ZNF469: variants seen among roughly 807,000 people sequenced by gnomAD.
ZNF469 encodes zinc finger protein 469.
ZNF469 carries 1 observed loss-of-function variant against 1.0 expected under a neutral mutation model. The observed-to-expected ratio is 1.00, with a 90% CI of 0.35 to 4.73. The LOEUF is 4.73. ZNF469 is among the 30% of genes most tolerant of loss of function. ZNF469 has a pLI of 0.16. For synonymous variants in ZNF469, 2,703 were observed against 2,363.4 expected, an observed-to-expected ratio of 1.14 and a Z score of -4.17; for missense variants, 6,100 against 5,356.3, an observed-to-expected ratio of 1.14 and a Z score of -4.33.
At chr16:88,176,126 T>C in the ZNF469 span, among the ~76,000 whole-genome samples, 1 of 151,784 alleles carries the variant, frequency 6.6e-6, no homozygotes, top group Non-Finnish European at 1.5e-5. Context: ...CCTGATGGCC[T>C]GAGGACGTCT....
chr16:88,341,259 C>T, the ZNF469 span, among the ~76,000 whole-genome samples: 1 of 152,224 alleles, frequency 6.6e-6, no homozygotes, highest in African/African-American at 2.4e-5. Context: ...GCACTGAATG[C>T]TGGGGGCCTG....
the ZNF469 span, among the ~76,000 whole-genome samples, chr16:88,266,408 G>A: frequency 1.8e-4 from 28 of 152,342 alleles, no homozygotes; most frequent in East Asian, 9.6e-4. Flanking sequence ...ACGGCCTGTC[G>A]TGCACACGAA....
chr16:88,136,419 C>A, the ZNF469 span, among the ~76,000 whole-genome samples: 194 of 152,370 alleles, frequency 1.3e-3, 1 homozygote, highest in African/African-American at 3.9e-3. Context: ...CGTGTTGCAG[C>A]CGTCTCCGGC....
the ZNF469 span, among the ~76,000 whole-genome samples, chr16:88,263,339 C>G: frequency 6.6e-6 from 1 of 152,228 alleles, no homozygotes; most frequent in East Asian, 1.9e-4. Context: ...AGGCTGGGCT[C>G]TGCCAGGCTG....
chr16:88,229,905 G>C, the ZNF469 span, among the ~76,000 whole-genome samples: 1 of 152,276 alleles, frequency 6.6e-6, no homozygotes, highest in East Asian at 1.9e-4. Context: ...CCAGGGGCAC[G>C]GGGCCAGTGG....
the ZNF469 span, among the ~76,000 whole-genome samples, chr16:88,115,596 T>C: frequency 6.7e-6 from 1 of 149,704 alleles, no homozygotes; most frequent in Non-Finnish European, 1.5e-5. Context: ...CCCTGTGTGT[T>C]CCTGGACTTC....
the ZNF469 span, among the ~76,000 whole-genome samples, chr16:88,250,556 C>G: frequency 1.9e-3 from 293 of 152,276 alleles, 1 homozygote; most frequent in African/African-American, 6.8e-3. Context: ...CATTTCTTCA[C>G]GTATTTTTCA....
intron 1 of ZNF469, among the ~76,000 whole-genome samples, chr16:88,415,552 C>T (rs1905280636): frequency 6.6e-6 from 1 of 152,248 alleles, no homozygotes; most frequent in Non-Finnish European, 1.5e-5. Flanking sequence ...GCCTGTCACT[C>T]AGGCCCCCTC....
chr16:88,117,753 G>A, the ZNF469 span, among the ~76,000 whole-genome samples: 1 of 152,248 alleles, frequency 6.6e-6, no homozygotes, highest in African/African-American at 2.4e-5. Flanking sequence ...CTGGGACCCA[G>A]TTTCTTGGAG....
the ZNF469 span, among the ~76,000 whole-genome samples, chr16:88,184,029 G>A: frequency 3.9e-5 from 6 of 151,906 alleles, 1 homozygote; most frequent in Middle Eastern, 3.2e-3. Context: ...CAGAGGTGCC[G>A]GAGTCTCCGG....
the ZNF469 span, among the ~76,000 whole-genome samples, chr16:88,319,785 C>T: frequency 1.9e-3 from 290 of 152,304 alleles, 2 homozygotes; most frequent in African/African-American, 6.6e-3. Context: ...AGCCCAGCTT[C>T]GCAGCTAGAG....
the ZNF469 span, among the ~76,000 whole-genome samples, chr16:88,102,035 G>C: frequency 6.6e-6 from 1 of 151,984 alleles, no homozygotes; most frequent in Non-Finnish European, 1.5e-5. Flanking sequence ...CGACAGGCCG[G>C]CCTCAGAAGT....
At chr16:88,404,805 G>A (rs1904981415) in intron 1 of ZNF469, among the ~76,000 whole-genome samples, 1 of 152,154 alleles carries the variant, frequency 6.6e-6, no homozygotes, top group South Asian at 2.1e-4. Flanking sequence ...ACGCACAGCA[G>A]ACCCAGGACA....
the ZNF469 span, among the ~76,000 whole-genome samples, chr16:88,148,464 C>T: frequency 3.1e-4 from 47 of 152,278 alleles, 1 homozygote; most frequent in African/African-American, 1.1e-3. Flanking sequence ...TCTTTAATCA[C>T]GAATCCTAAG....
the ZNF469 span, among the ~76,000 whole-genome samples, chr16:88,218,286 G>T: frequency 0.05 from 5,263 of 105,370 alleles, no homozygotes; most frequent in South Asian, 0.06. Flanking sequence ...TTTTGATGGG[G>T]TTGTTTGTTT....
chr16:88,395,251 A>ATGGG (rs1904623605), intron 1 of ZNF469, among the ~76,000 whole-genome samples: 1 of 39,550 alleles, frequency 2.5e-5, no homozygotes, highest in Admixed American at 2.3e-4. Context: ...GGATGGATGG[A>ATGGG]TGGATGGATG....
chr16:88,376,199 A>G, the ZNF469 span, among the ~76,000 whole-genome samples: 1 of 152,214 alleles, frequency 6.6e-6, no homozygotes, highest in Non-Finnish European at 1.5e-5. Context: ...AACACACATC[A>G]ATGCGCCTTT....
rs1567518372 is a variant in ZNF469, at chr16:88,439,675, G to T, written c.*343G>T. The T allele has an allele frequency of 3.1e-6, 1 of 325,714 alleles. No homozygotes were observed. Among genetic ancestry groups the T allele is most frequent in the African/African-American group, 2.1e-5 (1 of 47,084 alleles). 20.2% of individuals were successfully genotyped at this position (325,714 alleles called of 1,614,324 possible). ...GGGCACCGACACCACAGAAGCCAAT[G>T]TTTGGAGATTTGCACAACCTCCCGT... On this transcript the variant is annotated 3_prime_UTR_variant, in exon 3 of 3. Transcript: ENST00000565624.
At chr16:88,280,282 G>A in the ZNF469 span, among the ~76,000 whole-genome samples, 2 of 151,098 alleles carry the variant, frequency 1.3e-5, no homozygotes, top group Non-Finnish European at 2.9e-5. Context: ...GGTTAGTGCT[G>A]TGCCACAGTG....
Sources: allele counts gnomAD v4.1 joint callset (sites outside exome capture counted in the v4.1 genomes callset), GRCh38; gene constraint gnomAD v4.1.1; transcripts MANE v1.5; gene names NCBI Gene and HGNC (gene_info 2026-07-23, HGNC 2026-07-21).